Variants in CNTN1 observed in about 807,000 individuals in gnomAD.
CNTN1 encodes the protein contactin-1.
Under a neutral mutation model 126.4 loss-of-function variants are expected in CNTN1, and 38 were observed. The ratio of observed to expected loss-of-function variants is 0.30; its 90% CI spans 0.23 to 0.39. The LOEUF is 0.39. Ranked by LOEUF, CNTN1 falls within the 10% of genes least tolerant of loss-of-function variation. The pLI, the probability that CNTN1 is intolerant of heterozygous loss-of-function variation, is 1.00. For synonymous variants in CNTN1, 413 were observed against 422.6 expected, an observed-to-expected ratio of 0.98 and a Z score of 0.28; for missense variants, 1,009 against 1,248.4, an observed-to-expected ratio of 0.81 and a Z score of 2.89.
rs78055386 is a variant in CNTN1 at position 40,969,517 on chromosome 12, C to T, written c.1804+10283C>T. ...GCACAGTTCTAAATCTTTTCTCTGC[C>T]AGAGTGCTTTTCCATCATCATGTTT... On this transcript the variant is annotated intron_variant, in intron 15 of 23. Transcript: ENST00000551295. Among the ~76,000 whole-genome samples, 165 of 152,288 alleles carry T rather than the reference C, an allele frequency of 1.1e-3. 3 individuals carry two copies. The East Asian group carries it at 0.021, about 19-fold the overall frequency.
chr12:40,851,157 T>C (rs1962965493), intron 1 of CNTN1, among the ~76,000 whole-genome samples: 1 of 152,184 alleles, frequency 6.6e-6, no homozygotes, highest in South Asian at 2.1e-4. Context: ...GTGGTAGTAA[T>C]TGGGACTCTG....
chr12:40,977,722 A>G (rs964397331), intron 15 of CNTN1, among the ~76,000 whole-genome samples: 2 of 152,140 alleles, frequency 1.3e-5, no homozygotes, highest in Non-Finnish European at 1.5e-5. Flanking sequence ...CCAGGCTGAG[A>G]ACTACATTCT....
chr12:41,021,274 T>C (rs1177218892), intron 20 of CNTN1, among the ~76,000 whole-genome samples: 6 of 152,138 alleles, frequency 3.9e-5, no homozygotes, highest in Admixed American at 6.5e-5. Context: ...GTTCGGGGTT[T>C]TATTGCCACA....
chr12:40,862,415 G>A (rs1943145980), intron 1 of CNTN1, among the ~76,000 whole-genome samples: 1 of 152,036 alleles, frequency 6.6e-6, no homozygotes, highest in Admixed American at 6.6e-5. Context: ...TTCCCTTTAT[G>A]GGGTTTACAG....
intron 4 of CNTN1, among the ~76,000 whole-genome samples, chr12:40,921,732 C>T (rs757436641): frequency 6.6e-6 from 1 of 152,146 alleles, no homozygotes; most frequent in Non-Finnish European, 1.5e-5. Flanking sequence ...TGACTTTTAT[C>T]ATTTTCAAAT....
Position 40,844,700 on chromosome 12 carries a change from T to C in CNTN1, c.-76-63657T>C, listed in dbSNP as rs140657222. 5.8e-3 allele frequency among the ~76,000 whole-genome samples: 891 copies of C among 152,322 alleles called. 7 individuals carry two copies. Among genetic ancestry groups the C allele is most frequent in the Middle Eastern group, 0.037 (11 of 294 alleles). On this transcript the variant is annotated intron_variant, in intron 1 of 23. Transcript: ENST00000551295. ...AGAAACTGAATTTCTCATGATTGAT[T>C]CTTGCTGTCTAAGGACCTACTATTT...
chr12:41,050,384 T>A (rs973022926), intron 23 of CNTN1, among the ~76,000 whole-genome samples: 1 of 152,148 alleles, frequency 6.6e-6, no homozygotes, highest in Non-Finnish European at 1.5e-5. Flanking sequence ...TCAGGAAACT[T>A]ATAATCATGG....
At chr12:40,953,812 A>G (rs939602985) in intron 14 of CNTN1, among the ~76,000 whole-genome samples, 9 of 152,118 alleles carry the variant, frequency 5.9e-5, no homozygotes, top group Admixed American at 1.3e-4. Context: ...TTCCTATCAG[A>G]ATAAAATAAG....
At chr12:40,916,821 A>T (rs958447809) in intron 3 of CNTN1, among the ~76,000 whole-genome samples, 1 of 152,006 alleles carries the variant, frequency 6.6e-6, no homozygotes, top group African/African-American at 2.4e-5. Context: ...TTGCTTGCCT[A>T]AGACAATAAC....
At chr12:40,858,446 T>C (rs35319114) in intron 1 of CNTN1, among the ~76,000 whole-genome samples, 5,132 of 152,214 alleles carry the variant, frequency 0.034, 117 homozygotes, top group Middle Eastern at 0.12. Flanking sequence ...CACAATGAGA[T>C]ACCATCTCAC....
intron 1 of CNTN1, among the ~76,000 whole-genome samples, chr12:40,828,871 T>C (rs1404848203): frequency 2.0e-5 from 3 of 152,206 alleles, no homozygotes; most frequent in Non-Finnish European, 4.4e-5. Context: ...CTTCTACCTG[T>C]GCTGGTTTGG....
At chr12:40,720,519 T>C (rs972887322) in intron 1 of CNTN1, among the ~76,000 whole-genome samples, 11 of 152,152 alleles carry the variant, frequency 7.2e-5, no homozygotes, top group African/African-American at 2.4e-4. Context: ...TTGTTTTGTG[T>C]TTTTGAGAAG....
chr12:40,747,604 C>G (rs1938236848), intron 1 of CNTN1, among the ~76,000 whole-genome samples: 2 of 151,918 alleles, frequency 1.3e-5, no homozygotes, highest in Non-Finnish European at 2.9e-5. Flanking sequence ...ACTATTTGCA[C>G]TTTTAAAATA....
intron 1 of CNTN1, among the ~76,000 whole-genome samples, chr12:40,728,431 C>G (rs1005072470): frequency 5.9e-5 from 9 of 152,110 alleles, no homozygotes; most frequent in Admixed American, 2.0e-4. Flanking sequence ...AAAAAGGCAA[C>G]TAGTAGTAAG....
At chr12:40,783,247 T>C (rs1462282261) in intron 1 of CNTN1, among the ~76,000 whole-genome samples, 1 of 151,948 alleles carries the variant, frequency 6.6e-6, no homozygotes, top group Non-Finnish European at 1.5e-5. Context: ...CTGAAAGAAT[T>C]AGTATAACAA....
chr12:40,760,424 T>C (rs1938811532), intron 1 of CNTN1, among the ~76,000 whole-genome samples: 1 of 151,468 alleles, frequency 6.6e-6, no homozygotes, highest in Non-Finnish European at 1.5e-5. Context: ...ATATCTACAA[T>C]ACAAACACTG....
intron 1 of CNTN1, among the ~76,000 whole-genome samples, chr12:40,803,478 C>G (rs2136488388): frequency 6.6e-6 from 1 of 152,092 alleles, no homozygotes; most frequent in South Asian, 2.1e-4. Context: ...GGTCTCTTTT[C>G]AAACTGATGT....
chr12:40,742,064 G>T (rs902518025), intron 1 of CNTN1, among the ~76,000 whole-genome samples: 1 of 151,826 alleles, frequency 6.6e-6, no homozygotes, highest in Non-Finnish European at 1.5e-5. Context: ...TTTATAATAG[G>T]GCTTTTTCTC....
intron 3 of CNTN1, 77 bp from the exon 4 acceptor site, chr12:40,918,562 A>ATT: frequency 7.9e-7 from 1 of 1,264,216 alleles, no homozygotes; most frequent in Non-Finnish European, 1.1e-6. Context: ...TTTTTCAAGT[A>ATT]ATTTTTTTTC....
Sources: allele counts gnomAD v4.1 joint callset (sites outside exome capture counted in the v4.1 genomes callset), GRCh38; gene constraint gnomAD v4.1.1; transcripts MANE v1.5; gene names NCBI Gene and HGNC (gene_info 2026-07-23, HGNC 2026-07-21).